The following DLG5 variants were observed in gnomAD, a reference collection of about 807,000 sequenced individuals.
DLG5 encodes the protein disks large homolog 5.
A neutral mutation model predicts 189.8 loss-of-function variants in DLG5; 48 were observed. The ratio of observed to expected loss-of-function variants is 0.25; its 90% CI spans 0.20 to 0.32. The LOEUF is 0.32. Ranked by LOEUF, DLG5 falls within the 10% of genes least tolerant of loss-of-function variation. The pLI is 1.00. For missense variants in DLG5, 2,160 were observed against 2,544.7 expected (o/e 0.85, Z 3.25); for synonymous variants, 1,016 against 1,054.1 (o/e 0.96, Z 0.70).
At chr10:77,912,539 T>G (rs1327327708) in intron 1 of DLG5, 2 of 151,954 alleles carry the variant, frequency 1.3e-5, no homozygotes, top group Non-Finnish European at 2.9e-5. Flanking sequence ...CATGCCAGCA[T>G]GCCCACAAGA....
chr10:77,805,526 C>T (rs1378265430), intron 27 of DLG5, 139 bp downstream of exon 27: 5 of 987,574 alleles, frequency 5.1e-6, no homozygotes, highest in East Asian at 2.7e-5. Flanking sequence ...ACCCCCCGAC[C>T]AAGCCGAACA....
At chr10:77,902,653 G>A (rs1255700280) in intron 1 of DLG5, among the ~76,000 whole-genome samples, 1 of 152,010 alleles carries the variant, frequency 6.6e-6, no homozygotes, top group Non-Finnish European at 1.5e-5. Context: ...GAGGTCAGGA[G>A]ATCGAGACCA....
chr10:77,926,950 T>C, upstream of DLG5: 1 of 377,350 alleles, frequency 2.7e-6, no homozygotes, highest in Non-Finnish European at 5.3e-6. The surrounding 1 kb of genome is among the most constrained non-coding windows in gnomAD (Gnocchi z 5.2). Flanking sequence ...AGACTACAAC[T>C]CCCGGGAGAA....
At chr10:77,918,229 G>A (rs1475717417) in intron 1 of DLG5, among the ~76,000 whole-genome samples, 4 of 152,060 alleles carry the variant, frequency 2.6e-5, no homozygotes, top group African/African-American at 9.7e-5. Flanking sequence ...TGGCCAACAT[G>A]GGGAAACCTT....
rs762400739 is a variant in DLG5 at position 77,796,605 on chromosome 10, G to A, written c.5165-11C>T. On this transcript the variant is annotated splice_polypyrimidine_tract_variant and intron_variant, in intron 27 of 31. Coordinates refer to ENST00000372391, the MANE Select transcript of DLG5 (RefSeq NM_004747.4). This position sits in a 1 kb window ranked among gnomAD's most constrained non-coding sequence, Gnocchi z 5.2. The stretch of plus-strand genomic sequence containing the variant: ...CCAGGCTCACCGAATCTGAGGGAGA[G>A]AGAGCAGCAGCGTCACGGACCCAGC... 6.2e-7 allele frequency: 1 copy of A among 1,613,626 alleles called. No individual in the cohort carries two copies. Among genetic ancestry groups the A allele is most frequent in the Non-Finnish European group, 8.5e-7 (1 of 1,179,714 alleles).
intron 5 of DLG5, among the ~76,000 whole-genome samples, chr10:77,847,534 T>C (rs1006787937): frequency 6.6e-6 from 1 of 152,144 alleles, no homozygotes; most frequent in Non-Finnish European, 1.5e-5. Context: ...TGAACAAAGC[T>C]GGGGAACCAG....
intron 10 of DLG5, 42 bp downstream of exon 10, chr10:77,830,699 A>G: frequency 1.9e-6 from 3 of 1,605,862 alleles, no homozygotes; most frequent in Non-Finnish European, 2.6e-6. Context: ...CTCCTCCTTC[A>G]TCCATCAGAG....
At chr10:77,844,017 T>C (rs776917585) in intron 5 of DLG5, among the ~76,000 whole-genome samples, 33 of 152,208 alleles carry the variant, frequency 2.2e-4, no homozygotes, top group Non-Finnish European at 7.3e-5. Context: ...GAATGGCGTC[T>C]AGGAACCCGA....
In DLG5 at chr10:77,807,952, G is replaced by C; in HGVS notation, c.4648-8C>G. 6.2e-7 allele frequency: 1 copy of C among 1,613,944 alleles called. No individual in the cohort carries two copies. Among genetic ancestry groups the C allele is most frequent in the Non-Finnish European group, 8.5e-7 (1 of 1,179,962 alleles). On this transcript the variant is annotated splice_region_variant and splice_polypyrimidine_tract_variant and intron_variant, in intron 24 of 31. Transcript: ENST00000372391. ...CACGTCCAGGCTGCCATACTGCCAG[G>C]GATGGGGGTGGATGCATCAGAAGGC...
chr10:77,807,913 A>G lies in DLG5; in HGVS notation c.4679T>C (p.Val1560Ala). Residue 1560 changes from valine (V) to alanine (A), a missense_variant, in exon 25 of 32, where the codon GTG becomes GCG. Transcript: ENST00000372391. ...CAGCATCTCCACATAGACTTCCTCC[A>G]CTGTCTTGTTCCGCACGTCCAGGCT... The part of the protein sequence containing the change: ...YGSLDVRNKT[V>A]EEVYVEMLKP... The G allele has an allele frequency of 6.2e-7, 1 of 1,614,106 alleles. No homozygotes were observed. The highest frequency in any genetic ancestry group is 8.5e-7 in the Non-Finnish European group (1 of 1,180,014).
At chr10:77,896,168 G>A (rs904594599) in intron 1 of DLG5, among the ~76,000 whole-genome samples, 3 of 152,002 alleles carry the variant, frequency 2.0e-5, no homozygotes, top group African/African-American at 7.2e-5. Context: ...AGTAGTGAGT[G>A]TAAATGTCTA....
At chr10:77,826,060 T>A (rs1238449653) in intron 13 of DLG5, among the ~76,000 whole-genome samples, 1 of 152,182 alleles carries the variant, frequency 6.6e-6, no homozygotes, top group Non-Finnish European at 1.5e-5. Flanking sequence ...CAGGGAGGAC[T>A]GCAAAAGCCA....
chr10:77,909,476 C>A (rs189474554), intron 1 of DLG5, among the ~76,000 whole-genome samples: 7 of 151,910 alleles, frequency 4.6e-5, no homozygotes, highest in African/African-American at 1.7e-4. Flanking sequence ...GCGTGTTCTG[C>A]ACATGTACCC....
Position 77,842,187 on chromosome 10 carries a change from C to A in DLG5, c.1131G>T (p.Glu377Asp). 6.2e-7 allele frequency: 1 copy of A among 1,600,704 alleles called. No individual in the cohort carries two copies. The highest frequency in any genetic ancestry group is 8.5e-7 in the Non-Finnish European group (1 of 1,178,266). Residue 377 changes from glutamate to aspartate, a missense_variant, in exon 7 of 32, where the codon GAG (glutamate) becomes GAT (aspartate). By Grantham distance (45) the Glu-to-Asp change is conservative (BLOSUM62 2). Coordinates refer to ENST00000372391, the MANE Select transcript of DLG5 (RefSeq NM_004747.4). Reference sequence around the variant, plus strand: ...CCTTGTTCAGCTCATGGTGGATCGCCTCAAACCTGGCAAGAGAGGTGGCGA... The same window carrying A: ...CCTTGTTCAGCTCATGGTGGATCGCATCAAACCTGGCAAGAGAGGTGGCGA... Reference protein sequence around the residue: ...HQCALSLRRFEAIHHELNKAT... With the variant: ...HQCALSLRRFDAIHHELNKAT...
At chr10:77,846,869 G>T in intron 5 of DLG5, 1 of 384,012 alleles carries the variant, frequency 2.6e-6, no homozygotes, top group Non-Finnish European at 5.2e-6. Flanking sequence ...TCCTGCAGCG[G>T]CTTCCCGCCT....
intron 25 of DLG5, 61 bp downstream of exon 25, chr10:77,807,735 T>C: frequency 2.6e-6 from 4 of 1,559,190 alleles, no homozygotes; most frequent in Non-Finnish European, 2.6e-6. Context: ...AGGAAAAGAG[T>C]CTCCAGTGAA....
rs143363612 is a variant in DLG5 at position 77,807,825 on chromosome 10, C to T, written c.4767G>A (p.Lys1589=). The stretch of plus-strand genomic sequence containing the variant: ...TGTAGAAGCTGTCACCAGGCAGGCC[C>T]TTGGCCTTCGTGAACTCCTCAGGGC... The part of the protein sequence containing the change: ...QYRPEEFTKA[K]GLPGDSFYIR... The change falls in exon 25 of 32, where the codon AAG becomes AAA. Residue 1589 remains lysine, a synonymous_variant. Transcript: ENST00000372391. 87 of 1,614,130 alleles carry T rather than the reference C, an allele frequency of 5.4e-5. No homozygotes were observed. The African/African-American group carries it at 9.9e-4, about 18-fold the overall frequency.
chr10:77,851,709 C>T (rs534011937), intron 5 of DLG5, among the ~76,000 whole-genome samples: 1 of 152,338 alleles, frequency 6.6e-6, no homozygotes, highest in Admixed American at 6.5e-5. Context: ...CACATAAAAC[C>T]TCAATCAATA....
intron 1 of DLG5, among the ~76,000 whole-genome samples, chr10:77,917,272 G>A (rs1846388007): frequency 6.6e-6 from 1 of 152,018 alleles, no homozygotes; most frequent in Non-Finnish European, 1.5e-5. Context: ...AACCCGGGAG[G>A]CAGAGCTTGC....
Sources: gnomAD v4.1 joint callset for allele counts (sites outside exome capture counted in the v4.1 genomes callset) on GRCh38, gnomAD v4.1.1 for gene constraint, Gnocchi (gnomAD v3.1) non-coding constraint, MANE v1.5 for transcripts, NCBI Gene and HGNC (gene_info 2026-07-23, HGNC 2026-07-21) for gene names.